Variants in PCDH15 observed in about 807,000 individuals in gnomAD.
The protein encoded by PCDH15 is protocadherin-15.
Under a neutral mutation model 178.5 loss-of-function variants are expected in PCDH15, and 129 were observed. That is an observed-to-expected ratio of 0.72 (90% CI 0.63 to 0.84). The LOEUF (loss-of-function observed/expected upper bound fraction) is 0.84, where lower values mean the gene tolerates loss of function less well. Among genes scored for constraint, PCDH15 ranks in the 40% least tolerant of loss-of-function variants. The pLI is 0.00. For missense variants in PCDH15, 2,230 were observed against 2,099.9 expected, an observed-to-expected ratio of 1.06 and a Z score of -1.21; for synonymous variants, 800 against 732.0, an observed-to-expected ratio of 1.09 and a Z score of -1.50.
At chr10:54,844,470 C>A (rs1171618051) in intron 3 of PCDH15, among the ~76,000 whole-genome samples, 1 of 151,856 alleles carries the variant, frequency 6.6e-6, no homozygotes, top group Non-Finnish European at 1.5e-5. Flanking sequence ...CTCACTCTTG[C>A]TTTGATGGAT....
chr10:54,719,981 A>G (rs1941310801), intron 1 of PCDH15, among the ~76,000 whole-genome samples: 1 of 152,086 alleles, frequency 6.6e-6, no homozygotes, highest in Admixed American at 6.6e-5. Flanking sequence ...GTGTAAATCA[A>G]AACCACAATG....
intron 1 of PCDH15, among the ~76,000 whole-genome samples, chr10:54,771,977 G>A (rs1170766113): frequency 6.6e-6 from 1 of 151,964 alleles, no homozygotes; most frequent in African/African-American, 2.4e-5. Flanking sequence ...ATAAGTATTC[G>A]GTGGAATTAA....
chr10:54,662,940 G>C (rs528348502), intron 2 of PCDH15, among the ~76,000 whole-genome samples: 11 of 151,710 alleles, frequency 7.3e-5, no homozygotes, highest in Admixed American at 3.3e-4. Flanking sequence ...TCATTTTTAG[G>C]CTGCAGATTC....
intron 13 of PCDH15, among the ~76,000 whole-genome samples, chr10:54,154,290 A>C (rs1461029337): frequency 6.6e-6 from 1 of 152,080 alleles, no homozygotes; most frequent in Non-Finnish European, 1.5e-5. Flanking sequence ...TGAAGAATGA[A>C]AGAAAGTGGT....
chr10:54,738,096 T>C (rs1029602296), intron 1 of PCDH15, among the ~76,000 whole-genome samples: 5 of 152,132 alleles, frequency 3.3e-5, no homozygotes, highest in South Asian at 2.1e-4. Flanking sequence ...AGCCACATGA[T>C]AGAAGTTAGA....
intron 8 of PCDH15, among the ~76,000 whole-genome samples, chr10:54,262,557 C>G (rs890429435): frequency 6.6e-6 from 1 of 152,124 alleles, no homozygotes; most frequent in East Asian, 1.9e-4. Flanking sequence ...AATCAGTGAG[C>G]CCAGGCCCGT....
chr10:54,134,966 G>C (rs1266299928), intron 14 of PCDH15, among the ~76,000 whole-genome samples: 2 of 151,360 alleles, frequency 1.3e-5, no homozygotes, highest in African/African-American at 4.9e-5. Context: ...TAGCACTTTT[G>C]GAGGCCAAGG....
Position 55,252,605 on chromosome 10 carries a change from T to TTA in PCDH15, c.-156+66992_-156+66993dup, listed in dbSNP as rs936393687. Among the ~76,000 whole-genome samples, 537 of 152,154 alleles carry TTA rather than the reference T, an allele frequency of 3.5e-3. 4 individuals carry two copies. The highest frequency in any genetic ancestry group is 0.012 in the African/African-American group (511 of 41,534). On this transcript the variant is annotated intron_variant, in intron 1 of 5. Transcript: ENST00000458638. ...AACATTTAATTGAGTAATATAAACA[T>TTA]TAATTAGCTGAGAAAACTCACGTTG...
chr10:55,400,537 TA>T, intron 2 of PCDH15, among the ~76,000 whole-genome samples: 1 of 152,210 alleles, frequency 6.6e-6, no homozygotes, highest in African/African-American at 2.4e-5. Flanking sequence ...ACCTACTCAC[TA>T]AAATTTGTTT....
chr10:54,064,091 G>C (rs762496547), intron 18 of PCDH15, among the ~76,000 whole-genome samples: 1 of 152,146 alleles, frequency 6.6e-6, no homozygotes. Flanking sequence ...AGGTGGAGAG[G>C]AACTTTACAA....
At chr10:54,301,369 C>CA (rs2060141091) in intron 8 of PCDH15, among the ~76,000 whole-genome samples, 1 of 152,114 alleles carries the variant, frequency 6.6e-6, no homozygotes, top group South Asian at 2.1e-4. Context: ...TTCTGTTGTA[C>CA]AAAATGAATG....
chr10:53,917,806 G>C (rs1363054351), intron 25 of PCDH15, among the ~76,000 whole-genome samples: 2 of 152,124 alleles, frequency 1.3e-5, no homozygotes, highest in Non-Finnish European at 2.9e-5. Flanking sequence ...TTGGATCATG[G>C]GGGTGGACCC....
chr10:54,494,420 T>A (rs1274051535), intron 3 of PCDH15, among the ~76,000 whole-genome samples: 1 of 152,088 alleles, frequency 6.6e-6, no homozygotes, highest in Non-Finnish European at 1.5e-5. Context: ...TTGGCTAAAC[T>A]GTTTTTTCTC....
chr10:55,005,578 T>C (rs10763167), intron 2 of PCDH15, among the ~76,000 whole-genome samples: 111,539 of 151,902 alleles, frequency 0.73, 41,088 homozygotes, highest in East Asian at 0.87. Flanking sequence ...TAGATTTGTT[T>C]TTTCCCAGTC....
chr10:55,571,137 C>T (rs1263560410), intron 2 of PCDH15, among the ~76,000 whole-genome samples: 1 of 151,938 alleles, frequency 6.6e-6, no homozygotes, highest in Non-Finnish European at 1.5e-5. Context: ...GTAATGAGTT[C>T]ATGTGAGAGT....
At chr10:54,037,101 A>T (rs973778766) in intron 18 of PCDH15, among the ~76,000 whole-genome samples, 2 of 151,964 alleles carry the variant, frequency 1.3e-5, no homozygotes, top group Non-Finnish European at 2.9e-5. Flanking sequence ...ACAGTTGAGG[A>T]GTTGCTTTTT....
At chr10:54,726,419 GGTGTGTGTGTGT>G (rs72051103) in intron 1 of PCDH15, among the ~76,000 whole-genome samples, 5 of 19,522 alleles carry the variant, frequency 2.6e-4, no homozygotes, top group East Asian at 1.2e-3. Flanking sequence ...ACCCATCAGG[GGTGTGTGTGTGT>G]GTGTGTGTGT....
At chr10:54,200,478 T>C (rs950530698) in intron 10 of PCDH15, among the ~76,000 whole-genome samples, 2 of 151,866 alleles carry the variant, frequency 1.3e-5, no homozygotes, top group African/African-American at 4.8e-5. Context: ...TGTGTCCATA[T>C]GTTCTTATTG....
chr10:54,186,274 TA>T (rs1454045060), intron 11 of PCDH15, among the ~76,000 whole-genome samples: 2 of 152,044 alleles, frequency 1.3e-5, no homozygotes, highest in Non-Finnish European at 2.9e-5. Flanking sequence ...TTTAATATCA[TA>T]AAACACTTCT....
Sources: allele counts gnomAD v4.1 joint callset (sites outside exome capture counted in the v4.1 genomes callset), GRCh38; gene constraint gnomAD v4.1.1; transcripts MANE v1.5; gene names NCBI Gene and HGNC (gene_info 2026-07-23, HGNC 2026-07-21).